FOXRED2: variants seen among roughly 807,000 people sequenced by gnomAD.
FOXRED2 encodes FAD dependent oxidoreductase domain containing 2.
Under a neutral mutation model 52.5 loss-of-function variants are expected in FOXRED2, and 32 were observed. That is an observed-to-expected ratio of 0.61 (90% CI 0.46 to 0.82). The LOEUF (loss-of-function observed/expected upper bound fraction) is 0.82, where lower values mean the gene tolerates loss of function less well. Among genes scored for constraint, FOXRED2 ranks in the 40% least tolerant of loss-of-function variants. FOXRED2 has a pLI of 0.00. For synonymous variants in FOXRED2, 405 were observed against 398.1 expected (o/e 1.02, Z -0.21); for missense variants, 848 against 937.5 (o/e 0.90, Z 1.25).
At position 36,489,813 on chromosome 22, in the gene FOXRED2, G is replaced by A. The variant is rs1603491752; in HGVS notation, c.*195C>T. On this transcript the variant is annotated 3_prime_UTR_variant, in exon 9 of 9. Coordinates refer to ENST00000397224, the MANE Select transcript of FOXRED2 (RefSeq NM_001102371.2). ...GATGCCCTTCTGCCCCCTGACAGGA[G>A]GGAGGAGACCACCGCATCCCCGACT... 3.8e-6 allele frequency: 2 copies of A among 522,480 alleles called. No homozygotes were observed. Among genetic ancestry groups the A allele is most frequent in the East Asian group, 3.3e-5 (1 of 30,448 alleles). The allele number at this position is 522,480 out of a possible 1,614,324, so 32.4% of individuals were successfully genotyped here. A position where few individuals can be genotyped will look rare whatever the true frequency, so the allele number is the denominator to read the frequency against.
rs138916472 is a variant in FOXRED2 at position 36,490,073 on chromosome 22, G to A, written c.1990C>T (p.Leu664=). The change falls in exon 9 of 9, where the codon CTA becomes TTA. Residue 664 remains leucine, a synonymous_variant. Transcript: ENST00000397224. The part of the protein sequence containing the change: ...SSQQLGDQEP[L]GSPLAPGPLA... ...GGCCCTGGAGCCAGGGGGGAACCTA[G>A]TGGCTCTTGGTCGCCAAGCTGCTGG... 1.2e-6 allele frequency: 2 copies of A among 1,613,300 alleles called. No homozygotes were observed. Among genetic ancestry groups the A allele is most frequent in the Admixed American group, 3.3e-5 (2 of 59,938 alleles).
chr22:36,499,858 A>C (rs1933997490), intron 5 of FOXRED2, among the ~76,000 whole-genome samples: 1 of 151,996 alleles, frequency 6.6e-6, no homozygotes, highest in African/African-American at 2.4e-5. Context: ...CTGGAGTGCA[A>C]TGGTGTGGGC....
chr22:36,491,406 T>C (rs923293813), intron 8 of FOXRED2, among the ~76,000 whole-genome samples: 1 of 151,934 alleles, frequency 6.6e-6, no homozygotes, highest in Non-Finnish European at 1.5e-5. Flanking sequence ...TTCTTTTTCT[T>C]TTTTTTTCTT....
chr22:36,490,019 C>T lies in FOXRED2; in HGVS notation c.2044G>A (p.Glu682Lys). Residue 682 changes from glutamate to lysine, a missense_variant, in exon 9 of 9, where the codon GAG (glutamate) becomes AAG (lysine). Glu to Lys is a moderately conservative substitution (Grantham distance 56). Transcript: ENST00000397224. ...PLAQSVDSNK[E>K]EL is the part of the protein sequence containing the mutation. Reference sequence around the variant, plus strand: ...TTAGGAAGGGACAGTCAGAGCTCCTCTTTGTTGCTATCGACGGACTGAGCC... The same window carrying T: ...TTAGGAAGGGACAGTCAGAGCTCCTTTTTGTTGCTATCGACGGACTGAGCC... 2 of 1,585,206 alleles carry T rather than the reference C, an allele frequency of 1.3e-6. No individual in the cohort carries two copies. Among genetic ancestry groups the T allele is most frequent in the Non-Finnish European group, 1.7e-6 (2 of 1,162,448 alleles).
In FOXRED2 at chr22:36,506,467, G is replaced by A. The variant is rs1380032049; in HGVS notation, c.-1-44C>T. 3.0e-5 allele frequency: 43 copies of A among 1,412,536 alleles called. No homozygotes were observed. The South Asian group carries it at 6.1e-4, about 20-fold the overall frequency. 87.5% of individuals were successfully genotyped at this position (1,412,536 alleles called of 1,614,324 possible). On this transcript the variant is annotated intron_variant, in intron 1 of 8. Coordinates refer to ENST00000397224, the MANE Select transcript of FOXRED2 (RefSeq NM_001102371.2). ...GTAAGGCCTCGCACCCGGCCCGGCG[G>A]CTGGGAGACACGAGGCCCAGAAAGA...
chr22:36,490,640 C>T lies in FOXRED2; in HGVS notation c.1796-373G>A, dbSNP rs574240190. On this transcript the variant is annotated intron_variant, in intron 8 of 8. Transcript: ENST00000397224. ...TGAGCAGACCCTCGGCCTGGTGCGG[C>T]TGGGAACTCAGTGGTCAGTTCCACT... is the stretch of plus-strand genomic sequence containing the variant. 5.9e-5 allele frequency among the ~76,000 whole-genome samples: 9 copies of T among 152,376 alleles called. No individual in the cohort carries two copies. The East Asian group carries it at 1.7e-3, about 29-fold the overall frequency.
chr22:36,499,380 C>A (rs1375450244), intron 5 of FOXRED2, among the ~76,000 whole-genome samples: 1 of 152,086 alleles, frequency 6.6e-6, no homozygotes, highest in Non-Finnish European at 1.5e-5. Context: ...CTTTGGGAGG[C>A]TGAGGTGGGT....
chr22:36,501,355 G>T lies in FOXRED2; in HGVS notation c.1102C>A (p.Arg368=), dbSNP rs747052892. 24 of 1,614,038 alleles carry T rather than the reference G, an allele frequency of 1.5e-5. 1 individual carries two copies. In the South Asian group the frequency reaches 1.9e-4, roughly 13 times the overall value. Residue 368 remains arginine (R), a synonymous_variant, in exon 5 of 9, where the codon CGA becomes AGA. Coordinates refer to ENST00000397224, the MANE Select transcript of FOXRED2 (RefSeq NM_001102371.2). The stretch of plus-strand genomic sequence containing the variant: ...CTTCCTTTGGATTCGTAGCTAGCTC[G>T]AATCAGCGGGTACTTCTTGCCGAAT... ...NAFGKKYPLI[R]ASYESKGSRG...
At chr22:36,491,551 C>T (rs965285135) in intron 8 of FOXRED2, among the ~76,000 whole-genome samples, 6 of 152,048 alleles carry the variant, frequency 3.9e-5, no homozygotes, top group South Asian at 2.1e-4. Context: ...TACAGGTGCC[C>T]GCCACCACGC....
At chr22:36,502,078 A>G (rs1315284618) in intron 4 of FOXRED2, among the ~76,000 whole-genome samples, 1 of 152,174 alleles carries the variant, frequency 6.6e-6, no homozygotes, top group Non-Finnish European at 1.5e-5. Flanking sequence ...CTGAGGCAGG[A>G]GAATCGCTTG....
chr22:36,496,227 G>A lies in FOXRED2; in HGVS notation c.1383-19C>T, dbSNP rs774019191. Reference sequence around the variant, plus strand: ...GGAATTCCTGGGAGAACAGCAACGCGGGGGAGGCCCTCAGTGCTGTGGCAG... The same window carrying A: ...GGAATTCCTGGGAGAACAGCAACGCAGGGGAGGCCCTCAGTGCTGTGGCAG... On this transcript the variant is annotated intron_variant, in intron 6 of 8. Transcript: ENST00000397224. 37 of 1,612,334 alleles carry A rather than the reference G, an allele frequency of 2.3e-5. No individual in the cohort carries two copies. The highest frequency in any genetic ancestry group is 2.0e-4 in the Middle Eastern group (1 of 5,008).
intron 4 of FOXRED2, among the ~76,000 whole-genome samples, chr22:36,501,634 T>C (rs896444463): frequency 1.3e-5 from 2 of 152,090 alleles, no homozygotes; most frequent in African/African-American, 2.4e-5. Context: ...CTAATTTTTG[T>C]ATTTTTAGTA....
Position 36,504,714 on chromosome 22 carries a change from C to T in FOXRED2, c.580G>A (p.Gly194Ser). The T allele has an allele frequency of 6.2e-7, 1 of 1,614,124 alleles. No individual in the cohort carries two copies. Among genetic ancestry groups the T allele is most frequent in the Non-Finnish European group, 8.5e-7 (1 of 1,180,030 alleles). Residue 194 changes from glycine to serine, a missense_variant, in exon 3 of 9, where the codon GGC becomes AGC. By Grantham distance (56) the Gly-to-Ser change is moderately conservative (BLOSUM62 0). Coordinates refer to ENST00000397224, the MANE Select transcript of FOXRED2 (RefSeq NM_001102371.2). ...LSVPNQVDFP[G>S]SEYAEGYESV... is the part of the protein sequence containing the mutation. Reference sequence around the variant, plus strand: ...TCGTAACCCTCTGCATATTCGGAGCCAGGGAAGTCAACCTGGTTGGGGACT... The same window carrying T: ...TCGTAACCCTCTGCATATTCGGAGCTAGGGAAGTCAACCTGGTTGGGGACT...
chr22:36,491,358 G>A (rs1933751291), intron 8 of FOXRED2, among the ~76,000 whole-genome samples: 1 of 152,128 alleles, frequency 6.6e-6, no homozygotes, highest in Admixed American at 6.6e-5. Flanking sequence ...AATGCTGGAG[G>A]TGGGGCTGCT....
Position 36,504,225 on chromosome 22 carries a change from T to C in FOXRED2, c.922A>G (p.Asn308Asp). 6.2e-7 allele frequency: 1 copy of C among 1,614,210 alleles called. No homozygotes were observed. The highest frequency in any genetic ancestry group is 1.1e-5 in the South Asian group (1 of 91,082). Residue 308 changes from asparagine to aspartate, a missense_variant, in exon 4 of 9, where the codon AAC (asparagine) becomes GAC (aspartate). By Grantham distance (23) the Asn-to-Asp change is conservative. Coordinates refer to ENST00000397224, the MANE Select transcript of FOXRED2 (RefSeq NM_001102371.2). ...ATGGAGTCGGCACTCTGGTTGGTGT[T>C]GGCTTCTTCCAGGAAGAATTTCGGG... ...VTPKFFLEEA[N>D]TNQSADSITL...
At chr22:36,490,606 C>T (rs1043994259) in intron 8 of FOXRED2, among the ~76,000 whole-genome samples, 5 of 152,208 alleles carry the variant, frequency 3.3e-5, no homozygotes, top group East Asian at 1.9e-4. Flanking sequence ...GGCGGGGCTC[C>T]GACCTTCATG....
At chr22:36,496,640 T>C (rs1933907204) in intron 6 of FOXRED2, among the ~76,000 whole-genome samples, 2 of 152,206 alleles carry the variant, frequency 1.3e-5, no homozygotes, top group African/African-American at 4.8e-5. Context: ...GAGGTGACAC[T>C]GCTGGTTGCT....
Position 36,506,001 on chromosome 22 carries a change from T to G in FOXRED2, c.422A>C (p.Gln141Pro). 2 of 1,614,250 alleles carry G rather than the reference T, an allele frequency of 1.2e-6. No individual in the cohort carries two copies. The highest frequency in any genetic ancestry group is 1.7e-6 in the Non-Finnish European group (2 of 1,180,042). Residue 141 changes from glutamine to proline, a missense_variant, in exon 2 of 9, where the codon CAG (glutamine) becomes CCG (proline). Transcript: ENST00000397224. ...GACGTGGGCGATGGTGGTGTTGTAC[T>G]GGACACGGAGCCCCAGCGTGTCCGC... is the stretch of plus-strand genomic sequence containing the variant. ...DFADTLGLRV[Q>P]YNTTIAHVTL... is the part of the protein sequence containing the mutation.
Position 36,487,442 on chromosome 22 carries a change from C to T in FOXRED2, c.*2566G>A, listed in dbSNP as rs1055898465. On this transcript the variant is annotated 3_prime_UTR_variant, in exon 9 of 9. Transcript: ENST00000397224. ...GAAGTTTAGACAGGAAAGATGGTTA[C>T]GGACCAGGTGACTAAAGGTGACTCA... 7.9e-5 allele frequency: 12 copies of T among 152,168 alleles called. No homozygotes were observed. The highest frequency in any genetic ancestry group is 3.1e-3 in the Middle Eastern group (1 of 320). The allele number at this position is 152,168 out of a possible 1,614,324, so 9.4% of individuals were successfully genotyped here.
Sources: allele counts gnomAD v4.1 joint callset (sites outside exome capture counted in the v4.1 genomes callset), GRCh38; gene constraint gnomAD v4.1.1; transcripts MANE v1.5; gene names NCBI Gene and HGNC (gene_info 2026-07-23, HGNC 2026-07-21).